Variants in MAP4K4 observed in about 807,000 individuals in gnomAD.
MAP4K4 encodes mitogen-activated protein kinase kinase kinase kinase 4.
MAP4K4 carries 38 observed loss-of-function variants against 189.6 expected under a neutral mutation model. That is an observed-to-expected ratio of 0.20 (90% CI 0.15 to 0.26). MAP4K4 has a LOEUF of 0.26. Among genes scored for constraint, MAP4K4 ranks in the 10% least tolerant of loss-of-function variants. The pLI is 1.00. For synonymous variants in MAP4K4, 610 were observed against 624.3 expected, an observed-to-expected ratio of 0.98 and a Z score of 0.34; for missense variants, 1,054 against 1,726.9, an observed-to-expected ratio of 0.61 and a Z score of 6.91.
At chr2:101,725,301 CA>C (rs1456425256) in intron 2 of MAP4K4, among the ~76,000 whole-genome samples, 1 of 149,398 alleles carries the variant, frequency 6.7e-6, no homozygotes, top group Non-Finnish European at 1.5e-5. Flanking sequence ...CATAATTAGT[CA>C]AGCTATAGCG....
At chr2:101,778,569 GA>G (rs2085575561) in intron 2 of MAP4K4, among the ~76,000 whole-genome samples, 1 of 152,084 alleles carries the variant, frequency 6.6e-6, no homozygotes, top group Non-Finnish European at 1.5e-5. Flanking sequence ...CGAGGCTGTG[GA>G]CCAAGTCAGG....
chr2:101,781,157 C>G (rs958232054), intron 2 of MAP4K4, among the ~76,000 whole-genome samples: 1 of 151,982 alleles, frequency 6.6e-6, no homozygotes, highest in Non-Finnish European at 1.5e-5. Flanking sequence ...TTTTTCGGAC[C>G]CTTTAGTTGA....
At chr2:101,722,204 A>G (rs776056553) in intron 2 of MAP4K4, among the ~76,000 whole-genome samples, 48 of 152,220 alleles carry the variant, frequency 3.2e-4, no homozygotes, top group Non-Finnish European at 6.6e-4. Flanking sequence ...AGGAGGCAAG[A>G]AAAAGATTGA....
chr2:101,867,655 A>G (rs1243706361), intron 20 of MAP4K4: 1 of 347,938 alleles, frequency 2.9e-6, no homozygotes, highest in Non-Finnish European at 5.2e-6. Context: ...AAAAGAAAGA[A>G]AAGCCTTTTT....
intron 2 of MAP4K4, among the ~76,000 whole-genome samples, chr2:101,758,362 C>T (rs908664293): frequency 6.6e-6 from 1 of 152,280 alleles, no homozygotes; most frequent in South Asian, 2.1e-4. Context: ...CTCTGTTTGG[C>T]AGTATAGTAT....
chr2:101,747,960 C>T (rs190871220), intron 2 of MAP4K4, among the ~76,000 whole-genome samples: 26 of 152,244 alleles, frequency 1.7e-4, no homozygotes, highest in African/African-American at 5.8e-4. Context: ...TGAATGTCAC[C>T]ATCAAAAGTG....
chr2:101,830,973 C>A (rs1576408152), intron 6 of MAP4K4, among the ~76,000 whole-genome samples: 1 of 152,206 alleles, frequency 6.6e-6, no homozygotes, highest in African/African-American at 2.4e-5. Context: ...TAAGTCATCT[C>A]AGCATTTCGT....
chr2:101,875,551 T>C (rs796145896), intron 26 of MAP4K4, among the ~76,000 whole-genome samples: 19 of 152,292 alleles, frequency 1.2e-4, no homozygotes, highest in African/African-American at 4.3e-4. Flanking sequence ...TTTCAGATTA[T>C]CTGGAAATAG....
intron 5 of MAP4K4, among the ~76,000 whole-genome samples, chr2:101,828,691 T>C (rs988266977): frequency 1.6e-4 from 25 of 152,234 alleles, no homozygotes; most frequent in Admixed American, 1.4e-3. Flanking sequence ...CCCTTTTGGA[T>C]TGAGACATTT....
chr2:101,876,939 T>C (rs2098222151), intron 26 of MAP4K4, 64 bp from the exon 27 acceptor site: 1 of 1,551,522 alleles, frequency 6.4e-7, no homozygotes, highest in Admixed American at 1.8e-5. Context: ...TTATCCTTTC[T>C]ATACAACCTG....
chr2:101,875,698 C>T (rs886370245), intron 26 of MAP4K4, among the ~76,000 whole-genome samples: 1 of 152,104 alleles, frequency 6.6e-6, no homozygotes, highest in African/African-American at 2.4e-5. Flanking sequence ...TGCCCAATTC[C>T]CTAGGAATGT....
At chr2:101,793,573 T>A (rs903737712) in intron 3 of MAP4K4, among the ~76,000 whole-genome samples, 1 of 151,318 alleles carries the variant, frequency 6.6e-6, no homozygotes, top group African/African-American at 2.4e-5. Flanking sequence ...TCATGGTTTT[T>A]TTTTTTTTTT....
intron 3 of MAP4K4, among the ~76,000 whole-genome samples, chr2:101,792,222 G>A (rs1475374328): frequency 6.6e-6 from 1 of 152,168 alleles, no homozygotes; most frequent in Non-Finnish European, 1.5e-5. Context: ...GCTGTGTTGG[G>A]AGTGGTGTTG....
intron 12 of MAP4K4, among the ~76,000 whole-genome samples, chr2:101,851,097 A>C (rs1408086693): frequency 6.6e-6 from 1 of 152,204 alleles, no homozygotes; most frequent in Non-Finnish European, 1.5e-5. Flanking sequence ...GAATTGTGAG[A>C]TGAAAGCTTT....
chr2:101,800,461 T>C (rs2094257969), intron 3 of MAP4K4, among the ~76,000 whole-genome samples: 1 of 152,216 alleles, frequency 6.6e-6, no homozygotes, highest in Non-Finnish European at 1.5e-5. Context: ...ATATATATAG[T>C]GTCCCTTTTA....
intron 15 of MAP4K4, 70 bp from the exon 16 acceptor site, chr2:101,860,755 T>C: frequency 7.6e-7 from 1 of 1,311,146 alleles, no homozygotes; most frequent in East Asian, 2.5e-5. Context: ...CTTCCACTTT[T>C]AGACTTTCTT....
At chr2:101,718,020 G>A (rs2049391169) in intron 2 of MAP4K4, among the ~76,000 whole-genome samples, 1 of 151,926 alleles carries the variant, frequency 6.6e-6, no homozygotes, top group Non-Finnish European at 1.5e-5. Flanking sequence ...ACTTTGGGAG[G>A]CCAAGGTGGG....
intron 2 of MAP4K4, among the ~76,000 whole-genome samples, chr2:101,746,775 G>GT (rs1199000865): frequency 2.7e-5 from 4 of 150,780 alleles, no homozygotes; most frequent in Non-Finnish European, 4.4e-5. Flanking sequence ...CCTTAAGTTT[G>GT]TTTTTTTTTC....
chr2:101,760,688 A>T (rs952116055), intron 2 of MAP4K4, among the ~76,000 whole-genome samples: 2 of 151,922 alleles, frequency 1.3e-5, no homozygotes, highest in African/African-American at 2.4e-5. Flanking sequence ...CAGAGGTAAA[A>T]TACTCTCTGT....
Sources: allele counts gnomAD v4.1 joint callset (sites outside exome capture counted in the v4.1 genomes callset), GRCh38; gene constraint gnomAD v4.1.1; transcripts MANE v1.5; gene names NCBI Gene and HGNC (gene_info 2026-07-23, HGNC 2026-07-21).